The following GLIS3 variants were observed in gnomAD, a reference collection of about 807,000 sequenced individuals.
The protein encoded by GLIS3 is zinc finger protein GLIS3.
GLIS3 carries 53 observed loss-of-function variants against 78.6 expected under a neutral mutation model. That is an observed-to-expected ratio of 0.67 (90% CI 0.54 to 0.85). The LOEUF (loss-of-function observed/expected upper bound fraction) is 0.85. Ranked by LOEUF, GLIS3 falls within the 40% of genes least tolerant of loss-of-function variation. The probability of loss-of-function intolerance (pLI) is 0.00; values close to 1 mark genes in which losing one functional copy is unlikely to be tolerated. For synonymous variants in GLIS3, 684 were observed against 509.9 expected, an observed-to-expected ratio of 1.34 and a Z score of -4.60; for missense variants, 1,703 against 1,231.1, an observed-to-expected ratio of 1.38 and a Z score of -5.74.
rs533561369 is a variant in GLIS3, at chr9:4,098,919, C to T, written c.1710+18849G>A. Among the ~76,000 whole-genome samples, 3 of 152,128 alleles carry T rather than the reference C, an allele frequency of 2.0e-5. 1 individual carries two copies. The South Asian group carries it at 6.2e-4, about 32-fold the overall frequency. On this transcript the variant is annotated intron_variant, in intron 4 of 10. Transcript: ENST00000381971. ...ACATCCAGGTCTCAATGTGTTGATC[C>T]CAAAACTCCCAATAGTCAGCTTCAG...
At chr9:4,426,882 T>C in the GLIS3 span, among the ~76,000 whole-genome samples, 3,393 of 152,314 alleles carry the variant, frequency 0.022, 119 homozygotes, top group African/African-American at 0.077. Flanking sequence ...CCTGGCACAC[T>C]GAAAGCATCT....
At chr9:3,942,062 A>T (rs1310565031) in intron 4 of GLIS3, among the ~76,000 whole-genome samples, 10 of 152,190 alleles carry the variant, frequency 6.6e-5, no homozygotes, top group Admixed American at 6.5e-4. Context: ...ACCAATAATT[A>T]AGTAGAATAT....
chr9:4,245,954 C>T (rs1324612166), intron 2 of GLIS3, among the ~76,000 whole-genome samples: 1 of 152,096 alleles, frequency 6.6e-6, no homozygotes, highest in Non-Finnish European at 1.5e-5. Context: ...TCTTAGCAAA[C>T]TACATAAAAT....
intron 6 of GLIS3, among the ~76,000 whole-genome samples, chr9:3,929,215 C>T (rs939831343): frequency 6.6e-6 from 1 of 152,192 alleles, no homozygotes; most frequent in Non-Finnish European, 1.5e-5. Context: ...CTGCAAAGCA[C>T]ATTCCATGAA....
intron 4 of GLIS3, among the ~76,000 whole-genome samples, chr9:4,079,598 C>T (rs1025609083): frequency 6.6e-6 from 1 of 152,166 alleles, no homozygotes; most frequent in South Asian, 2.1e-4. Context: ...AAAGTCACAA[C>T]CAGAGGAATG....
At chr9:4,484,146 G>C in the GLIS3 span, among the ~76,000 whole-genome samples, 8 of 152,234 alleles carry the variant, frequency 5.3e-5, no homozygotes, top group East Asian at 1.5e-3. Flanking sequence ...ATAACAGTAA[G>C]AGAAATCTGA....
intron 4 of GLIS3, among the ~76,000 whole-genome samples, chr9:4,043,329 G>C (rs896016194): frequency 6.6e-6 from 1 of 152,060 alleles, no homozygotes; most frequent in African/African-American, 2.4e-5. Flanking sequence ...TTAGTTTTGA[G>C]GTGGGAGATC....
chr9:4,269,116 T>C (rs190076818), intron 2 of GLIS3, among the ~76,000 whole-genome samples: 26 of 152,318 alleles, frequency 1.7e-4, no homozygotes, highest in East Asian at 1.9e-4. Flanking sequence ...ATCATTAAAA[T>C]TGACAGACAA....
chr9:3,960,773 C>A (rs569165682), intron 4 of GLIS3, among the ~76,000 whole-genome samples: 3 of 152,104 alleles, frequency 2.0e-5, no homozygotes, highest in African/African-American at 2.4e-5. Context: ...TCAGCACTAC[C>A]CACTGGTGCC....
chr9:4,416,759 A>G, the GLIS3 span, among the ~76,000 whole-genome samples: 1 of 145,800 alleles, frequency 6.9e-6, no homozygotes, highest in South Asian at 2.2e-4. Flanking sequence ...AGTTCCTCTG[A>G]TTGCATATCT....
intron 2 of GLIS3, among the ~76,000 whole-genome samples, chr9:4,279,283 G>C (rs189517311): frequency 0.022 from 2,247 of 101,586 alleles, 109 homozygotes; most frequent in African/African-American, 0.08. Flanking sequence ...GGGCAACAGA[G>C]CAAGACTCCA....
intron 9 of GLIS3, among the ~76,000 whole-genome samples, chr9:3,847,418 C>T (rs1333916610): frequency 6.6e-6 from 1 of 152,232 alleles, no homozygotes; most frequent in Non-Finnish European, 1.5e-5. Flanking sequence ...AGTTATTAAG[C>T]ACTTACAGTG....
chr9:4,419,037 A>C, the GLIS3 span, among the ~76,000 whole-genome samples: 1 of 152,232 alleles, frequency 6.6e-6, no homozygotes, highest in South Asian at 2.1e-4. Flanking sequence ...TCTGTCATTA[A>C]GCAATTAGAT....
intron 4 of GLIS3, among the ~76,000 whole-genome samples, chr9:4,025,114 T>C (rs1443192981): frequency 6.6e-6 from 1 of 151,996 alleles, no homozygotes; most frequent in African/African-American, 2.4e-5. Context: ...TAGCCAAGCG[T>C]GGTGGTGCAC....
In GLIS3 at chr9:4,219,607, A is replaced by G. The variant is rs1032893455; in HGVS notation, c.388+66431T>C. On this transcript the variant is annotated intron_variant, in intron 2 of 10. Transcript: ENST00000381971. ...GTCACATCTCTCATACCCATAGTGA[A>G]CAGAAAGAAAGATAAAATACCTCCA... Among the ~76,000 whole-genome samples, 5 of 151,620 alleles carry G rather than the reference A, an allele frequency of 3.3e-5. No individual in the cohort carries two copies. The East Asian group carries it at 5.8e-4, about 17-fold the overall frequency.
At chr9:4,128,512 T>C (rs1054091214) in intron 2 of GLIS3, among the ~76,000 whole-genome samples, 24 of 152,232 alleles carry the variant, frequency 1.6e-4, no homozygotes, top group African/African-American at 5.3e-4. Flanking sequence ...AAACAAAAGA[T>C]ACTTATAAGT....
chr9:3,985,657 A>G (rs941737684), intron 4 of GLIS3, among the ~76,000 whole-genome samples: 1 of 152,244 alleles, frequency 6.6e-6, no homozygotes, highest in African/African-American at 2.4e-5. Flanking sequence ...AACAATGTCA[A>G]TTAGTAATAG....
chr9:4,181,841 G>C (rs763218796), intron 2 of GLIS3, among the ~76,000 whole-genome samples: 1 of 152,156 alleles, frequency 6.6e-6, no homozygotes, highest in African/African-American at 2.4e-5. Context: ...GACAGACCCC[G>C]TTCCAATTAT....
chr9:4,466,775 T>C, the GLIS3 span, among the ~76,000 whole-genome samples: 6 of 152,158 alleles, frequency 3.9e-5, no homozygotes, highest in African/African-American at 1.4e-4. Context: ...TTCATCTCAC[T>C]AGGGCTTGTC....
Sources: gnomAD v4.1 joint callset for allele counts (sites outside exome capture counted in the v4.1 genomes callset) on GRCh38, gnomAD v4.1.1 for gene constraint, MANE v1.5 for transcripts, NCBI Gene and HGNC (gene_info 2026-07-23, HGNC 2026-07-21) for gene names.